Variants in TACC2 observed in about 807,000 individuals in gnomAD.
TACC2 encodes transforming acidic coiled-coil-containing protein 2.
In TACC2, 137 loss-of-function variants were observed where a neutral mutation model predicts 227.3. That is an observed-to-expected ratio of 0.60 (90% CI 0.52 to 0.69). TACC2 has a LOEUF of 0.69. Ranked by LOEUF, TACC2 falls within the 30% of genes least tolerant of loss-of-function variation. TACC2 has a pLI of 0.00. For synonymous variants in TACC2, 1,523 were observed against 1,487.5 expected (o/e 1.02, Z -0.55); for missense variants, 3,470 against 3,694.4 (o/e 0.94, Z 1.57).
chr10:122,034,100 C>T (rs1030039060), intron 2 of TACC2, among the ~76,000 whole-genome samples: 6 of 144,856 alleles, frequency 4.1e-5, no homozygotes, highest in Non-Finnish European at 8.9e-5. Flanking sequence ...TGCAGTGAGC[C>T]GAGACTGTGC....
In TACC2 at chr10:122,180,026, A is replaced by C. The variant is rs2093913182; in HGVS notation, c.5835-15014A>C. On this transcript the variant is annotated intron_variant, in intron 7 of 22. Coordinates refer to ENST00000369005, the MANE Select transcript of TACC2 (RefSeq NM_206862.4). The surrounding 1 kb of genome is among the most constrained non-coding windows in gnomAD (Gnocchi z 4.5). ...CTTGAGCCCAAGAGGTCGAGGCTGCAGTGAGCCATGATTGCGCCACTGCAC... is the reference window on the plus strand; with the variant it reads ...CTTGAGCCCAAGAGGTCGAGGCTGCCGTGAGCCATGATTGCGCCACTGCAC... Among the ~76,000 whole-genome samples, 1 of 152,066 alleles carries C rather than the reference A, an allele frequency of 6.6e-6. No homozygotes were observed. Among genetic ancestry groups the C allele is most frequent in the Non-Finnish European group, 1.5e-5 (1 of 67,996 alleles).
rs1309677133 is a variant in TACC2 at position 122,082,911 on chromosome 10, T to G, written c.411T>G (p.Ser137=). ...AAPEDGPQTQ[S]PRREPAPNAP... is the part of the protein sequence containing the mutation. ...CTGAAGATGGTCCTCAGACTCAGTC[T>G]CCCAGGAGGGAACCTGCCCCAAATG... is the stretch of plus-strand genomic sequence containing the variant. Residue 137 remains serine, a synonymous_variant, in exon 4 of 23, where the codon TCT becomes TCG. Coordinates refer to ENST00000369005, the MANE Select transcript of TACC2 (RefSeq NM_206862.4). 7 of 1,612,984 alleles carry G rather than the reference T, an allele frequency of 4.3e-6. No individual in the cohort carries two copies. Among genetic ancestry groups the G allele is most frequent in the Non-Finnish European group, 8.5e-7 (1 of 1,180,016 alleles).
intron 7 of TACC2, among the ~76,000 whole-genome samples, chr10:122,166,529 ACCAGTCTCTTGCTACTC>A (rs1456419244): frequency 6.6e-6 from 1 of 152,128 alleles, no homozygotes; most frequent in Non-Finnish European, 1.5e-5. Flanking sequence ...GCAAATGGTG[ACCAGTCTCTTGCTACTC>A]CCAGGGTCGG....
rs974007502 is a variant in TACC2, at chr10:122,164,006, C to T, written c.5834+20300C>T. 3.2e-6 allele frequency: 5 copies of T among 1,569,820 alleles called. No homozygotes were observed. The African/African-American group carries it at 6.8e-5, about 21-fold the overall frequency. ...TTCCGAGGCAATGTAAGTGCTCCGC[C>T]CGGGCCGCCCCGAGTCTCCCGGGGA... is the stretch of plus-strand genomic sequence containing the variant. On this transcript the variant is annotated intron_variant, in intron 7 of 22. Transcript: ENST00000369005.
At chr10:122,217,716 A>G (rs757673278) in intron 11 of TACC2, among the ~76,000 whole-genome samples, 3 of 152,058 alleles carry the variant, frequency 2.0e-5, no homozygotes, top group Non-Finnish European at 4.4e-5. Flanking sequence ...CTGGGATTAC[A>G]GGTGTGAGCT....
In TACC2 at chr10:122,050,328, T is replaced by A. The variant is rs1033488581; in HGVS notation, c.34-110T>A. 88 of 808,094 alleles carry A rather than the reference T, an allele frequency of 1.1e-4. No individual in the cohort carries two copies. The highest frequency in any genetic ancestry group is 1.9e-4 in the Admixed American group (8 of 41,674). The allele number at this position is 808,094 out of a possible 1,614,324, so 50.1% of individuals were successfully genotyped here. Reference sequence around the variant, plus strand: ...GTGTTTCGTTGGACGGCAGAGCAAGTGAACAACCTTACCTTGAATGCTGTG... The same window carrying A: ...GTGTTTCGTTGGACGGCAGAGCAAGAGAACAACCTTACCTTGAATGCTGTG... On this transcript the variant is annotated intron_variant, in intron 2 of 22. Transcript: ENST00000369005. This position sits in a 1 kb window ranked among gnomAD's most constrained non-coding sequence, Gnocchi z 4.6.
chr10:122,243,223 C>T (rs893077343), intron 19 of TACC2, among the ~76,000 whole-genome samples: 5 of 152,186 alleles, frequency 3.3e-5, no homozygotes, highest in African/African-American at 7.2e-5. Flanking sequence ...GGATTGCAGG[C>T]GTGAGCCGCT....
rs145232984 is a variant in TACC2 at position 122,237,418 on chromosome 10, C to T, written c.8151C>T (p.Asp2717=). ...DAKREAAHPT[D]VSISKTALYS... ...AGAGAGAGGCTGCTCACCCAACAGA[C>T]GTCTCCATCTCCAAAACAGCCTTGT... The change falls in exon 17 of 23, where the codon GAC becomes GAT. Residue 2717 remains aspartate, a synonymous_variant. Transcript: ENST00000369005. 41 of 1,613,646 alleles carry T rather than the reference C, an allele frequency of 2.5e-5. No individual in the cohort carries two copies. The African/African-American group carries it at 3.2e-4, about 13-fold the overall frequency.
chr10:122,012,855 C>T (rs1480530567), intron 1 of TACC2, among the ~76,000 whole-genome samples: 6 of 152,106 alleles, frequency 3.9e-5, no homozygotes, highest in Non-Finnish European at 7.4e-5. Flanking sequence ...ACTGCAAACT[C>T]GGTTCTTTCA....
chr10:122,226,255 C>G (rs1483550017), intron 12 of TACC2, 111 bp from the exon 13 acceptor site: 5 of 737,534 alleles, frequency 6.8e-6, no homozygotes, highest in African/African-American at 1.8e-5. Flanking sequence ...ACAATGAAGG[C>G]TTTTCCCTGA....
chr10:122,213,693 T>C (rs1362309464), intron 9 of TACC2, among the ~76,000 whole-genome samples: 1 of 152,234 alleles, frequency 6.6e-6, no homozygotes, highest in East Asian at 1.9e-4. Flanking sequence ...TTTTAAACTC[T>C]TCATTACATT....
chr10:122,157,929 C>G (rs944243323), intron 7 of TACC2, among the ~76,000 whole-genome samples: 2 of 151,780 alleles, frequency 1.3e-5, no homozygotes, highest in Non-Finnish European at 2.9e-5. Context: ...ATGTGTGTTA[C>G]TGATTTTTTT....
At position 122,086,202 on chromosome 10, in the gene TACC2, C is replaced by T. The variant is rs908501483; in HGVS notation, c.3702C>T (p.Asp1234=). 3.1e-6 allele frequency: 5 copies of T among 1,613,594 alleles called. No individual in the cohort carries two copies. The African/African-American group carries it at 4.0e-5, about 13-fold the overall frequency. ...LSGPPEVAAP[D]TPYLHVDSAA... ...GGCCACCAGAAGTGGCTGCTCCTGA[C>T]ACCCCTTACCTGCATGTCGACAGTG... Residue 1234 remains aspartate (D), a synonymous_variant, in exon 4 of 23, where the codon GAC becomes GAT. Transcript: ENST00000369005.
chr10:122,009,163 G>T (rs556738528), intron 1 of TACC2, among the ~76,000 whole-genome samples: 7 of 152,182 alleles, frequency 4.6e-5, no homozygotes, highest in African/African-American at 1.2e-4. Context: ...TTACAGTTTT[G>T]AAAAGTGATT....
chr10:122,134,165 A>G (rs1209852273), intron 6 of TACC2, among the ~76,000 whole-genome samples: 2 of 148,594 alleles, frequency 1.3e-5, no homozygotes, highest in Non-Finnish European at 3.0e-5. Context: ...GGAGTCAGCC[A>G]TAGTTCTTTT....
chr10:122,202,616 G>C (rs1018145445), intron 8 of TACC2, among the ~76,000 whole-genome samples: 2 of 149,728 alleles, frequency 1.3e-5, no homozygotes, highest in Non-Finnish European at 3.0e-5. Flanking sequence ...CCTGACAAAA[G>C]AGATGGGAAG....
At chr10:122,002,992 C>T (rs549396212) in intron 1 of TACC2, among the ~76,000 whole-genome samples, 109 of 152,188 alleles carry the variant, frequency 7.2e-4, no homozygotes, top group African/African-American at 2.5e-3. Flanking sequence ...CACCTGAGGT[C>T]GGGAGTTTGA....
At chr10:122,124,149 C>T (rs776098042) in intron 5 of TACC2, among the ~76,000 whole-genome samples, 19 of 152,078 alleles carry the variant, frequency 1.2e-4, no homozygotes, top group Non-Finnish European at 1.8e-4. Context: ...GTAATAATAC[C>T]GGAGGTCTAA....
intron 7 of TACC2, among the ~76,000 whole-genome samples, chr10:122,148,946 G>C (rs547747151): frequency 6.6e-6 from 1 of 152,220 alleles, no homozygotes; most frequent in Non-Finnish European, 1.5e-5. Context: ...CAGTCACCAC[G>C]CTTCTGATGG....
Sources: allele counts gnomAD v4.1 joint callset (sites outside exome capture counted in the v4.1 genomes callset), GRCh38; gene constraint gnomAD v4.1.1; non-coding constraint Gnocchi (gnomAD v3.1); transcripts MANE v1.5; gene names NCBI Gene and HGNC (gene_info 2026-07-23, HGNC 2026-07-21).